RHOBTB1: variants seen among roughly 807,000 people sequenced by gnomAD.
The protein encoded by RHOBTB1 is Rho related BTB domain containing 1, also known as rho-related BTB domain-containing protein 1.
RHOBTB1 carries 40 observed loss-of-function variants against 71.6 expected under a neutral mutation model. That is an observed-to-expected ratio of 0.56 (90% CI 0.43 to 0.73). RHOBTB1 has a LOEUF of 0.73. Ranked by LOEUF, RHOBTB1 falls within the 30% of genes least tolerant of loss-of-function variation. The pLI is 0.00. For missense variants in RHOBTB1, 797 were observed against 894.0 expected (o/e 0.89, Z 1.38); for synonymous variants, 319 against 334.9 (o/e 0.95, Z 0.52).
chr10:60,965,503 G>C (rs1040032562), intron 2 of RHOBTB1, among the ~76,000 whole-genome samples: 1 of 152,090 alleles, frequency 6.6e-6, no homozygotes, highest in South Asian at 2.1e-4. Flanking sequence ...GCCTAGCATG[G>C]TGCCTGGCAT....
rs754971314 is a variant in RHOBTB1, at chr10:60,892,805, C to T, written c.482+5G>A. ...GACAGGGAAACACTGAGTCCCTTGG[C>T]TTACCTTGCTAACGGGCGCCTGGCT... On this transcript the variant is annotated splice_donor_5th_base_variant and intron_variant, in intron 5 of 10. Coordinates refer to ENST00000337910, the MANE Select transcript of RHOBTB1 (RefSeq NM_014836.5). 6.2e-7 allele frequency: 1 copy of T among 1,610,422 alleles called. No homozygotes were observed. The highest frequency in any genetic ancestry group is 1.7e-5 in the Admixed American group (1 of 59,666).
At chr10:60,954,303 A>G (rs983662969) in intron 2 of RHOBTB1, among the ~76,000 whole-genome samples, 2 of 152,230 alleles carry the variant, frequency 1.3e-5, no homozygotes, top group African/African-American at 4.8e-5. Context: ...AGACCAGAGT[A>G]CCAGGGTTAT....
chr10:60,922,544 G>A (rs2083627069), intron 2 of RHOBTB1, among the ~76,000 whole-genome samples: 3 of 152,210 alleles, frequency 2.0e-5, no homozygotes, highest in South Asian at 4.1e-4. Flanking sequence ...AGACTGCCAT[G>A]TCCACGGGGA....
At chr10:60,970,662 A>T (rs1411052128) in intron 2 of RHOBTB1, among the ~76,000 whole-genome samples, 28 of 152,150 alleles carry the variant, frequency 1.8e-4, no homozygotes, top group Admixed American at 1.8e-3. Flanking sequence ...GTTACCAAAC[A>T]ACATAAGACT....
In RHOBTB1 at chr10:60,929,143, C is replaced by T. The variant is rs184403720; in HGVS notation, c.-11+12661G>A. 4.7e-4 allele frequency among the ~76,000 whole-genome samples: 71 copies of T among 152,260 alleles called. No individual in the cohort carries two copies. In the East Asian group the frequency reaches 0.013, roughly 28 times the overall value. On this transcript the variant is annotated intron_variant, in intron 2 of 10. Transcript: ENST00000337910. ...TCAATCACCTCCCACCAGGCCCCTC[C>T]TTCAACATGTGGGGATTATAATTGG...
At chr10:60,879,817 C>T (rs979017054) in intron 7 of RHOBTB1, among the ~76,000 whole-genome samples, 1 of 152,164 alleles carries the variant, frequency 6.6e-6, no homozygotes, top group Non-Finnish European at 1.5e-5. Context: ...CACACACACA[C>T]TCAGGCACAC....
At chr10:60,896,714 ACTT>A (rs2082177217) in intron 4 of RHOBTB1, among the ~76,000 whole-genome samples, 1 of 152,212 alleles carries the variant, frequency 6.6e-6, no homozygotes, top group South Asian at 2.1e-4. Flanking sequence ...GGGAAAAATG[ACTT>A]CTTCTTTCTA....
At chr10:60,872,618 C>T (rs1363405796) in intron 9 of RHOBTB1, among the ~76,000 whole-genome samples, 1 of 151,770 alleles carries the variant, frequency 6.6e-6, no homozygotes, top group Non-Finnish European at 1.5e-5. Context: ...TGGAAGGCAC[C>T]AGCCCACAGC....
At chr10:60,903,417 G>A (rs555695150) in intron 4 of RHOBTB1, among the ~76,000 whole-genome samples, 6 of 152,166 alleles carry the variant, frequency 3.9e-5, no homozygotes, top group Admixed American at 6.5e-5. Flanking sequence ...CACTCAACTC[G>A]GCACCCAATT....
chr10:60,931,586 T>TA (rs1392068277), intron 2 of RHOBTB1, among the ~76,000 whole-genome samples: 2 of 152,168 alleles, frequency 1.3e-5, no homozygotes, highest in Non-Finnish European at 2.9e-5. Context: ...TTTAGCTTTT[T>TA]AAAAAACTAA....
chr10:60,864,572 G>A (rs945156747), downstream of RHOBTB1, among the ~76,000 whole-genome samples: 2 of 152,132 alleles, frequency 1.3e-5, no homozygotes, highest in African/African-American at 4.8e-5. Context: ...CAGCGGAATA[G>A]CATTTGCTGA....
chr10:60,995,220 G>A (rs1365239674), intron 1 of RHOBTB1, among the ~76,000 whole-genome samples: 2 of 152,106 alleles, frequency 1.3e-5, no homozygotes, highest in Non-Finnish European at 2.9e-5. Context: ...CTTACATGCT[G>A]GCAAATGCTT....
chr10:60,921,302 A>G (rs1053856045), intron 2 of RHOBTB1, among the ~76,000 whole-genome samples: 4 of 152,180 alleles, frequency 2.6e-5, no homozygotes, highest in Non-Finnish European at 2.9e-5. Flanking sequence ...GTATGTACAG[A>G]GAACATGTCA....
Position 60,941,849 on chromosome 10 carries a change from A to G in RHOBTB1, c.-56T>C, listed in dbSNP as rs1046888079. Reference sequence around the variant, plus strand: ...AACAGAACACTCTGCTCACAGCTGGACTTACCTACATAAAAGAGAGAAATA... The same window carrying G: ...AACAGAACACTCTGCTCACAGCTGGGCTTACCTACATAAAAGAGAGAAATA... On this transcript the variant is annotated 5_prime_UTR_variant, in exon 2 of 11. Coordinates refer to ENST00000337910, the MANE Select transcript of RHOBTB1 (RefSeq NM_014836.5). 1 of 152,652 alleles carries G rather than the reference A, an allele frequency of 6.6e-6. No homozygotes were observed. Among genetic ancestry groups the G allele is most frequent in the Non-Finnish European group, 1.5e-5 (1 of 68,020 alleles). The allele number at this position is 152,652 out of a possible 1,614,324, so 9.5% of individuals were successfully genotyped here.
chr10:60,895,684 G>T (rs370808677), intron 4 of RHOBTB1, among the ~76,000 whole-genome samples: 1 of 152,334 alleles, frequency 6.6e-6, no homozygotes, highest in African/African-American at 2.4e-5. Context: ...GATTACAGGC[G>T]CAAGCCACCG....
chr10:60,984,993 C>T (rs2086614802), intron 2 of RHOBTB1, among the ~76,000 whole-genome samples: 1 of 152,100 alleles, frequency 6.6e-6, no homozygotes, highest in Admixed American at 6.5e-5. Context: ...GTTGAAGTTA[C>T]TATATGTAGT....
At chr10:60,873,529 G>A (rs1431086172) in intron 9 of RHOBTB1, among the ~76,000 whole-genome samples, 8 of 152,206 alleles carry the variant, frequency 5.3e-5, no homozygotes, top group Admixed American at 3.3e-4. Context: ...GTGTATGGGG[G>A]TAAGGTGGGA....
intron 2 of RHOBTB1, among the ~76,000 whole-genome samples, chr10:60,984,687 T>C (rs1329879493): frequency 6.6e-6 from 1 of 152,206 alleles, no homozygotes; most frequent in East Asian, 1.9e-4. Context: ...CACATGGTAA[T>C]ATCTCATTAA....
chr10:60,908,898 A>T (rs1306288058), intron 4 of RHOBTB1, among the ~76,000 whole-genome samples: 1 of 152,184 alleles, frequency 6.6e-6, no homozygotes, highest in African/African-American at 2.4e-5. Context: ...GAAACACAGG[A>T]GTGTTCCTGA....
Sources: allele counts gnomAD v4.1 joint callset (sites outside exome capture counted in the v4.1 genomes callset), GRCh38; gene constraint gnomAD v4.1.1; transcripts MANE v1.5; gene names NCBI Gene and HGNC (gene_info 2026-07-23, HGNC 2026-07-21).